ANKRD28: variants seen among roughly 807,000 people sequenced by gnomAD.
ANKRD28 encodes the protein serine/threonine-protein phosphatase 6 regulatory ankyrin repeat subunit A.
Under a neutral mutation model 126.5 loss-of-function variants are expected in ANKRD28, and 44 were observed. That is an observed-to-expected ratio of 0.35 (90% CI 0.27 to 0.45). The LOEUF is 0.45. Ranked by LOEUF, ANKRD28 falls within the 20% of genes least tolerant of loss-of-function variation. The probability of loss-of-function intolerance (pLI) is 1.00; values close to 1 mark genes in which losing one functional copy is unlikely to be tolerated. For missense variants in ANKRD28, 1,110 were observed against 1,316.6 expected, an observed-to-expected ratio of 0.84 and a Z score of 2.43; for synonymous variants, 442 against 468.5, an observed-to-expected ratio of 0.94 and a Z score of 0.73.
chr3:15,787,916 A>G (rs776380615), intron 2 of ANKRD28, among the ~76,000 whole-genome samples: 21 of 152,222 alleles, frequency 1.4e-4, no homozygotes, highest in Non-Finnish European at 2.8e-4. Flanking sequence ...TCATTTTTGA[A>G]TAATAAAGTA....
intron 3 of ANKRD28, among the ~76,000 whole-genome samples, chr3:15,764,050 C>G (rs1039147320): frequency 6.6e-6 from 1 of 151,756 alleles, no homozygotes; most frequent in African/African-American, 2.4e-5. Flanking sequence ...ATGGTGAAAC[C>G]CCATCTCTTA....
intron 2 of ANKRD28, among the ~76,000 whole-genome samples, chr3:15,783,092 T>A (rs2059611751): frequency 6.6e-6 from 1 of 151,712 alleles, no homozygotes; most frequent in South Asian, 2.1e-4. Context: ...AATGTGGATG[T>A]CATCAAAATA....
intron 2 of ANKRD28, among the ~76,000 whole-genome samples, chr3:15,771,961 T>C (rs1302288434): frequency 1.3e-5 from 2 of 152,150 alleles, no homozygotes; most frequent in Admixed American, 6.5e-5. Context: ...GTAGAATAAA[T>C]GTAGAAAACT....
chr3:15,812,244 C>T lies in ANKRD28; in HGVS notation c.28-16938G>A, dbSNP rs146194169. Among the ~76,000 whole-genome samples, 8 of 151,894 alleles carry T rather than the reference C, an allele frequency of 5.3e-5. No homozygotes were observed. Among genetic ancestry groups the T allele is most frequent in the Non-Finnish European group, 1.0e-4 (7 of 67,902 alleles). On this transcript the variant is annotated intron_variant, in intron 1 of 27. Transcript: ENST00000399451. The surrounding 1 kb of genome is among the most constrained non-coding windows in gnomAD (Gnocchi z 4.1). ...GATGGCATCATAGAGCTGGGCACAG[C>T]GGTGTACACCTGTAGTCCCAGCTAC...
intron 26 of ANKRD28, 149 bp downstream of exon 26, chr3:15,676,825 T>C (rs2125655477): frequency 1.8e-6 from 1 of 556,014 alleles, no homozygotes; most frequent in Non-Finnish European, 3.1e-6. Context: ...GTGATCATTT[T>C]AGAAATGAGT....
At chr3:15,858,126 A>G (rs1321292530) in intron 1 of ANKRD28, among the ~76,000 whole-genome samples, 1 of 152,232 alleles carries the variant, frequency 6.6e-6, no homozygotes, top group Admixed American at 6.5e-5. Flanking sequence ...CAATAGCTAC[A>G]TATGTCTACT....
chr3:15,799,642 G>C (rs1575729899), upstream of ANKRD28, among the ~76,000 whole-genome samples: 1 of 151,928 alleles, frequency 6.6e-6, no homozygotes, highest in East Asian at 1.9e-4. Context: ...TCATCTTCAG[G>C]GTTCCCAAGC....
chr3:15,758,914 G>C (rs1266621412), intron 3 of ANKRD28, among the ~76,000 whole-genome samples: 1 of 152,148 alleles, frequency 6.6e-6, no homozygotes, highest in African/African-American at 2.4e-5. Flanking sequence ...CCAATCGAAT[G>C]AATTTTTGAC....
rs1432035076 is a variant in ANKRD28, at chr3:15,797,548, T to G, written c.-1027A>C. 1.0e-6 allele frequency: 1 copy of G among 984,884 alleles called. No homozygotes were observed. The highest frequency in any genetic ancestry group is 1.2e-6 in the Non-Finnish European group (1 of 829,908). The allele number at this position is 984,884 out of a possible 1,614,324, so 61.0% of individuals were successfully genotyped here. On this transcript the variant is annotated 5_prime_UTR_variant, in exon 1 of 28. Coordinates refer to ENST00000683139, the MANE Select transcript of ANKRD28 (RefSeq NM_001349278.2). ...AGCTCAAATTACTGCTTCAGGCTTT[T>G]TGTTTTCTTTAAAAAAAAAAAGGGG...
intron 4 of ANKRD28, 31 bp downstream of exon 4, chr3:15,751,719 T>C: frequency 7.1e-7 from 1 of 1,406,970 alleles, no homozygotes; most frequent in South Asian, 1.3e-5. Flanking sequence ...TGTTTTCATA[T>C]AAAACATATT....
At chr3:15,780,899 A>T (rs1348251326) in intron 2 of ANKRD28, among the ~76,000 whole-genome samples, 1 of 152,126 alleles carries the variant, frequency 6.6e-6, no homozygotes, top group Non-Finnish European at 1.5e-5. Context: ...TCCTTATCTC[A>T]TACCATATAT....
At chr3:15,824,213 G>A (rs1363227572) in intron 1 of ANKRD28, among the ~76,000 whole-genome samples, 3 of 152,194 alleles carry the variant, frequency 2.0e-5, no homozygotes, top group Non-Finnish European at 4.4e-5. Context: ...CTGTCATGCA[G>A]GCGCCATCTC....
intron 8 of ANKRD28, among the ~76,000 whole-genome samples, chr3:15,718,225 G>A (rs1368885872): frequency 6.6e-6 from 1 of 152,136 alleles, no homozygotes; most frequent in Non-Finnish European, 1.5e-5. Context: ...AACAAAATTT[G>A]ACAATAAAAT....
At chr3:15,675,829 T>C in intron 27 of ANKRD28, 69 bp downstream of exon 27, 3 of 1,291,976 alleles carry the variant, frequency 2.3e-6, no homozygotes, top group Non-Finnish European at 3.1e-6. Flanking sequence ...TCCAAGTTTA[T>C]TTCTCTTCAA....
intron 1 of ANKRD28, among the ~76,000 whole-genome samples, chr3:15,823,787 C>T (rs2060998156): frequency 6.6e-6 from 1 of 152,098 alleles, no homozygotes; most frequent in South Asian, 2.1e-4. Context: ...TAATATATCA[C>T]ATTAATAAAA....
At chr3:15,796,064 C>A (rs1371658041) in intron 1 of ANKRD28, among the ~76,000 whole-genome samples, 1 of 152,018 alleles carries the variant, frequency 6.6e-6, no homozygotes, top group Non-Finnish European at 1.5e-5. Flanking sequence ...TCAACCTTTC[C>A]TAAAATATGC....
chr3:15,715,543 A>G (rs1405986207), intron 8 of ANKRD28, among the ~76,000 whole-genome samples: 1 of 152,218 alleles, frequency 6.6e-6, no homozygotes, highest in Non-Finnish European at 1.5e-5. Context: ...GTAATTTTAC[A>G]GAAGTTCTAA....
intron 6 of ANKRD28, among the ~76,000 whole-genome samples, chr3:15,728,327 C>G (rs141217536): frequency 6.6e-6 from 1 of 152,178 alleles, no homozygotes; most frequent in African/African-American, 2.4e-5. Context: ...CGGGGTCTTG[C>G]TCTGTCACCC....
chr3:15,782,660 A>G (rs1183355574), intron 2 of ANKRD28, among the ~76,000 whole-genome samples: 2 of 152,112 alleles, frequency 1.3e-5, no homozygotes, highest in Non-Finnish European at 2.9e-5. Context: ...TGGGACTTTC[A>G]TAGTTGTCTG....
Sources: allele counts gnomAD v4.1 joint callset (sites outside exome capture counted in the v4.1 genomes callset), GRCh38; gene constraint gnomAD v4.1.1; non-coding constraint Gnocchi (gnomAD v3.1); transcripts MANE v1.5; gene names NCBI Gene and HGNC (gene_info 2026-07-23, HGNC 2026-07-21).